DAB1: variants seen among roughly 807,000 people sequenced by gnomAD.
DAB1 encodes the protein disabled homolog 1.
Under a neutral mutation model 64.6 loss-of-function variants are expected in DAB1, and 15 were observed. That is an observed-to-expected ratio of 0.23 (90% CI 0.16 to 0.36). DAB1 has a LOEUF of 0.36. Among genes scored for constraint, DAB1 ranks in the 10% least tolerant of loss-of-function variants. DAB1 has a pLI of 1.00. For synonymous variants in DAB1, 235 were observed against 251.9 expected, an observed-to-expected ratio of 0.93 and a Z score of 0.64; for missense variants, 596 against 706.7, an observed-to-expected ratio of 0.84 and a Z score of 1.78.
chr1:57,929,108 C>A (rs2102034095), intron 5 of DAB1, among the ~76,000 whole-genome samples: 1 of 152,308 alleles, frequency 6.6e-6, no homozygotes, highest in East Asian at 1.9e-4. Flanking sequence ...ATTTAGTAGT[C>A]CCTGAGTTCT....
chr1:57,666,211 GA>G (rs1195207075), intron 6 of DAB1, among the ~76,000 whole-genome samples: 1 of 151,826 alleles, frequency 6.6e-6, no homozygotes, highest in Admixed American at 6.6e-5. Context: ...AAGGAAATAA[GA>G]AGATAAATGA....
chr1:57,839,712 T>G (rs918728776), intron 1 of DAB1, among the ~76,000 whole-genome samples: 1 of 152,190 alleles, frequency 6.6e-6, no homozygotes, highest in African/African-American at 2.4e-5. Flanking sequence ...AAGGAGGCCA[T>G]TAGGAAATGC....
At chr1:58,101,446 C>T (rs575620452) in intron 5 of DAB1, among the ~76,000 whole-genome samples, 1 of 152,222 alleles carries the variant, frequency 6.6e-6, no homozygotes, top group East Asian at 1.9e-4. Context: ...ACAGTTCAGG[C>T]CAGAGAGTGA....
chr1:57,698,557 G>A (rs970697829), intron 6 of DAB1, among the ~76,000 whole-genome samples: 3 of 152,220 alleles, frequency 2.0e-5, no homozygotes, highest in African/African-American at 7.2e-5. Context: ...GTCGTCTGGA[G>A]GTTCCTAATG....
intron 5 of DAB1, among the ~76,000 whole-genome samples, chr1:58,118,503 T>TAC (rs34017384): frequency 0.014 from 731 of 52,992 alleles, 25 homozygotes; most frequent in African/African-American, 0.016. Flanking sequence ...TATATATATA[T>TAC]ACACACACAC....
chr1:58,429,099 G>A (rs1021418286), intron 3 of DAB1, among the ~76,000 whole-genome samples: 15 of 152,276 alleles, frequency 9.9e-5, no homozygotes, highest in Middle Eastern at 3.4e-3. Flanking sequence ...AAAGTATATA[G>A]TACACAATTA....
intron 2 of DAB1, among the ~76,000 whole-genome samples, chr1:57,214,772 G>A (rs1482607974): frequency 2.0e-5 from 3 of 151,718 alleles, no homozygotes; most frequent in Non-Finnish European, 2.9e-5. Context: ...TTAGCCAGAC[G>A]TGGTGGCGGG....
intron 7 of DAB1, among the ~76,000 whole-genome samples, chr1:57,585,693 C>A (rs1250590634): frequency 1.3e-5 from 2 of 152,138 alleles, no homozygotes; most frequent in African/African-American, 2.4e-5. Context: ...TTCTGAGACT[C>A]TATGATCAAT....
chr1:57,153,315 C>T (rs895985919), intron 2 of DAB1, among the ~76,000 whole-genome samples: 4 of 152,176 alleles, frequency 2.6e-5, no homozygotes, highest in African/African-American at 7.2e-5. Context: ...CATGAGCCAC[C>T]GCACCCAGCC....
At chr1:58,221,953 C>T (rs978824390) in intron 4 of DAB1, among the ~76,000 whole-genome samples, 1 of 152,182 alleles carries the variant, frequency 6.6e-6, no homozygotes, top group Non-Finnish European at 1.5e-5. Context: ...AATTGCCCAA[C>T]TGGCAGAATG....
intron 3 of DAB1, among the ~76,000 whole-genome samples, chr1:58,467,528 T>C (rs1645308577): frequency 6.6e-6 from 1 of 152,172 alleles, no homozygotes; most frequent in African/African-American, 2.4e-5. Flanking sequence ...TCTTCTTTCT[T>C]AGAGCTTGTG....
intron 3 of DAB1, among the ~76,000 whole-genome samples, chr1:58,369,307 G>GA (rs201888118): frequency 6.6e-6 from 1 of 151,594 alleles, no homozygotes; most frequent in Non-Finnish European, 1.5e-5. Context: ...TCCTTCTGGG[G>GA]AAAAAAAACT....
intron 3 of DAB1, among the ~76,000 whole-genome samples, chr1:58,494,813 T>C (rs1227649035): frequency 6.6e-6 from 1 of 152,232 alleles, no homozygotes; most frequent in Non-Finnish European, 1.5e-5. Context: ...ACCTTTACAC[T>C]GTTGGTGGGA....
chr1:57,436,980 A>G (rs953599005), intron 7 of DAB1, among the ~76,000 whole-genome samples: 9 of 147,708 alleles, frequency 6.1e-5, no homozygotes, highest in African/African-American at 1.8e-4. Context: ...GTGAGCCTAG[A>G]TCACACCACT....
At chr1:57,455,971 A>G (rs1686576571) in intron 7 of DAB1, among the ~76,000 whole-genome samples, 1 of 152,138 alleles carries the variant, frequency 6.6e-6, no homozygotes, top group African/African-American at 2.4e-5. Flanking sequence ...AACAACATTT[A>G]CTCAATAAAC....
intron 4 of DAB1, among the ~76,000 whole-genome samples, chr1:57,096,386 C>T (rs72907108): frequency 0.033 from 5,041 of 152,198 alleles, 193 homozygotes; most frequent in African/African-American, 0.089. Flanking sequence ...ATATCTCCAC[C>T]GCAAGAGATA....
chr1:58,281,355 T>G (rs1347160534), intron 4 of DAB1, among the ~76,000 whole-genome samples: 2 of 152,056 alleles, frequency 1.3e-5, no homozygotes, highest in East Asian at 3.9e-4. Context: ...GATTCTTCCT[T>G]GACTACCTTC....
chr1:57,118,609 T>G (rs1300106382), intron 4 of DAB1, among the ~76,000 whole-genome samples: 2 of 152,192 alleles, frequency 1.3e-5, no homozygotes, highest in African/African-American at 4.8e-5. Flanking sequence ...ATTTACAGTT[T>G]GGAATCTAGA....
At chr1:57,002,633 C>T (rs1204515022) in intron 14 of DAB1, among the ~76,000 whole-genome samples, 1 of 152,188 alleles carries the variant, frequency 6.6e-6, no homozygotes, top group African/African-American at 2.4e-5. Context: ...GCCATGATGA[C>T]CTGGTGGTCT....
Sources: allele counts gnomAD v4.1 joint callset (sites outside exome capture counted in the v4.1 genomes callset), GRCh38; gene constraint gnomAD v4.1.1; transcripts MANE v1.5; gene names NCBI Gene and HGNC (gene_info 2026-07-23, HGNC 2026-07-21).